The following SPATA17 variants were observed in gnomAD, a reference collection of about 807,000 sequenced individuals.
SPATA17 encodes the protein spermatogenesis associated 17, also known as spermatogenesis-associated protein 17.
SPATA17 carries 53 observed loss-of-function variants against 62.2 expected under a neutral mutation model. That is an observed-to-expected ratio of 0.85 (90% CI 0.68 to 1.07). The LOEUF (loss-of-function observed/expected upper bound fraction) is 1.07, where lower values mean the gene tolerates loss of function less well. Ranked by LOEUF, SPATA17 falls within the 50% of genes least tolerant of loss-of-function variation. SPATA17 has a pLI of 0.00. For missense variants in SPATA17, 466 were observed against 425.5 expected (o/e 1.10, Z -0.84); for synonymous variants, 146 against 146.8 (o/e 0.99, Z 0.04).
Position 217,687,296 on chromosome 1 carries a change from A to G in SPATA17, c.395+3935A>G, listed in dbSNP as rs373287008. ...TATTCTCTTTGAAATTCATTTTTCAATCTCCAGTGGCTTGGCTTTTTCTTG... is the reference window on the plus strand; with the variant it reads ...TATTCTCTTTGAAATTCATTTTTCAGTCTCCAGTGGCTTGGCTTTTTCTTG... On this transcript the variant is annotated intron_variant, in intron 5 of 10. Transcript: ENST00000366933. Among the ~76,000 whole-genome samples the G allele has an allele frequency of 1.4e-3, 208 of 152,078 alleles. 2 individuals carry two copies. The Middle Eastern group carries it at 0.017, about 12-fold the overall frequency.
intron 5 of SPATA17, among the ~76,000 whole-genome samples, chr1:217,701,266 A>T (rs1671590498): frequency 6.6e-6 from 1 of 151,196 alleles, no homozygotes. Context: ...GAGCCGCCGC[A>T]CCTGGCCTAT....
chr1:217,859,239 A>G (rs1356500321), intron 9 of SPATA17, among the ~76,000 whole-genome samples: 1 of 146,996 alleles, frequency 6.8e-6, no homozygotes, highest in Non-Finnish European at 1.5e-5. Flanking sequence ...ATAAAATTTT[A>G]TATATTATGT....
chr1:217,793,906 G>A (rs1465709095), intron 8 of SPATA17, among the ~76,000 whole-genome samples: 2 of 151,976 alleles, frequency 1.3e-5, no homozygotes, highest in South Asian at 2.1e-4. Context: ...ACGAGGTCAG[G>A]AGATCGAGAC....
intron 6 of SPATA17, among the ~76,000 whole-genome samples, chr1:217,770,628 G>T (rs903565917): frequency 6.6e-6 from 1 of 152,080 alleles, no homozygotes; most frequent in Non-Finnish European, 1.5e-5. Context: ...TGTATGAGTG[G>T]AAAATGGCCA....
intron 2 of SPATA17, 128 bp downstream of exon 2, chr1:217,649,099 G>T: frequency 1.7e-6 from 1 of 598,044 alleles, no homozygotes; most frequent in Non-Finnish European, 2.8e-6. Context: ...TTGATAAATT[G>T]TATGTATTTC....
rs1418398406 is a variant in SPATA17 at position 217,869,221 on chromosome 1, G to T, written c.*2202G>T. 6.6e-6 allele frequency: 1 copy of T among 152,460 alleles called. No homozygotes were observed. Among genetic ancestry groups the T allele is most frequent in the African/African-American group, 2.4e-5 (1 of 41,440 alleles). The allele number at this position is 152,460 out of a possible 1,614,324, so 9.4% of individuals were successfully genotyped here. A position where few individuals can be genotyped will look rare whatever the true frequency, so the allele number is the denominator to read the frequency against. The stretch of plus-strand genomic sequence containing the variant: ...TGAAACAAGAGAATGGGGGGTGGGA[G>T]GATGTGGGAGATGCTTCCAGGTCAT... On this transcript the variant is annotated 3_prime_UTR_variant, in exon 11 of 11. Coordinates refer to ENST00000366933, the MANE Select transcript of SPATA17 (RefSeq NM_138796.4).
At chr1:217,671,319 A>G (rs1670827112) in intron 4 of SPATA17, among the ~76,000 whole-genome samples, 1 of 152,192 alleles carries the variant, frequency 6.6e-6, no homozygotes, top group South Asian at 2.1e-4. Context: ...TTCAGGATAA[A>G]AGATTCTCTG....
chr1:217,830,592 A>G (rs1260778005), intron 9 of SPATA17, among the ~76,000 whole-genome samples: 1 of 152,096 alleles, frequency 6.6e-6, no homozygotes. Flanking sequence ...CCTAAATGCA[A>G]TATATTTTCT....
intron 1 of SPATA17, among the ~76,000 whole-genome samples, chr1:217,640,996 T>C (rs1342470702): frequency 1.3e-5 from 2 of 152,096 alleles, no homozygotes; most frequent in Admixed American, 6.6e-5. Flanking sequence ...ACATTTTATA[T>C]TGAGCATCGG....
chr1:217,737,311 A>G (rs970049473), intron 5 of SPATA17, among the ~76,000 whole-genome samples: 1 of 152,206 alleles, frequency 6.6e-6, no homozygotes, highest in Non-Finnish European at 1.5e-5. Context: ...GAACATAAAT[A>G]GAGGATTAAA....
intron 8 of SPATA17, among the ~76,000 whole-genome samples, chr1:217,789,407 A>G (rs961823044): frequency 2.6e-5 from 4 of 152,166 alleles, no homozygotes; most frequent in African/African-American, 9.7e-5. Flanking sequence ...TAAAACCGAA[A>G]TGGGGTCCAT....
intron 9 of SPATA17, among the ~76,000 whole-genome samples, chr1:217,841,000 AT>A (rs1410123465): frequency 6.6e-6 from 1 of 151,970 alleles, no homozygotes; most frequent in Non-Finnish European, 1.5e-5. Flanking sequence ...ACATACATAT[AT>A]TCAGAAAATA....
rs1553251071 is a variant in SPATA17, at chr1:217,770,978, A to AATTTTTTTTTTTTTTTTTTTT, written c.520-3356_520-3355insATTTTTTTTTTTTTTTTTTTT. 1.7e-3 allele frequency among the ~76,000 whole-genome samples: 84 copies of AATTTTTTTTTTTTTTTTTTTT among 50,164 alleles called. 17 individuals carry two copies. Among genetic ancestry groups the AATTTTTTTTTTTTTTTTTTTT allele is most frequent in the Non-Finnish European group, 2.0e-3 (62 of 30,432 alleles). 32.9% of individuals were successfully genotyped at this position (50,164 alleles called of 152,430 possible). ...ATGTATCTATTATATAACTCATTGC[A>AATTTTTTTTTTTTTTTTTTTT]TTTTTTTTTTTTTTTTTTTTTTTTT... is the stretch of plus-strand genomic sequence containing the variant. On this transcript the variant is annotated intron_variant, in intron 6 of 10. Transcript: ENST00000366933.
At chr1:217,672,398 C>T (rs1424716782) in intron 4 of SPATA17, among the ~76,000 whole-genome samples, 2 of 152,022 alleles carry the variant, frequency 1.3e-5, no homozygotes, top group African/African-American at 4.8e-5. Context: ...CATATATGTA[C>T]CCAAATTATG....
intron 9 of SPATA17, among the ~76,000 whole-genome samples, chr1:217,840,862 A>AAAATAAATAAATAAAT: frequency 1.3e-5 from 2 of 152,196 alleles, no homozygotes; most frequent in Non-Finnish European, 2.9e-5. Flanking sequence ...CTGTCTCAAA[A>AAAATAAATAAATAAAT]AAATAAATAA....
chr1:217,799,882 A>T (rs1201305529), intron 8 of SPATA17, among the ~76,000 whole-genome samples: 1 of 151,918 alleles, frequency 6.6e-6, no homozygotes, highest in Non-Finnish European at 1.5e-5. Flanking sequence ...TTTAAGTCTG[A>T]ATTTCAGAAT....
At chr1:217,753,541 T>C (rs1419528467) in intron 6 of SPATA17, among the ~76,000 whole-genome samples, 1 of 152,096 alleles carries the variant, frequency 6.6e-6, no homozygotes, top group Non-Finnish European at 1.5e-5. Context: ...CGGTGCCTTT[T>C]TTTAATTAAC....
chr1:217,841,960 G>GT (rs1363723081), intron 9 of SPATA17, among the ~76,000 whole-genome samples: 1 of 151,182 alleles, frequency 6.6e-6, no homozygotes, highest in East Asian at 1.9e-4. Context: ...TAAGTATAAT[G>GT]TTTTATCATA....
At chr1:217,787,882 A>T (rs1258945136) in intron 8 of SPATA17, among the ~76,000 whole-genome samples, 1 of 152,140 alleles carries the variant, frequency 6.6e-6, no homozygotes, top group Non-Finnish European at 1.5e-5. Flanking sequence ...TATATACTGT[A>T]CTTCTTATTT....
Sources: gnomAD v4.1 joint callset for allele counts (sites outside exome capture counted in the v4.1 genomes callset) on GRCh38, gnomAD v4.1.1 for gene constraint, MANE v1.5 for transcripts, NCBI Gene and HGNC (gene_info 2026-07-23, HGNC 2026-07-21) for gene names.